Variants in ANKMY2 observed in about 807,000 individuals in gnomAD.
The protein encoded by ANKMY2 is ankyrin repeat and MYND domain containing 2, also known as ankyrin repeat and MYND domain-containing protein 2.
ANKMY2 carries 36 observed loss-of-function variants against 50.4 expected under a neutral mutation model. The ratio of observed to expected loss-of-function variants is 0.71; its 90% CI spans 0.55 to 0.94. The LOEUF (loss-of-function observed/expected upper bound fraction) is 0.94, where lower values mean the gene tolerates loss of function less well. ANKMY2 is among the 40% of genes least tolerant of loss of function. The pLI is 0.00. For synonymous variants in ANKMY2, 187 were observed against 178.8 expected (o/e 1.05, Z -0.36); for missense variants, 565 against 524.0 (o/e 1.08, Z -0.76).
chr7:16,634,325 C>T (rs1238578480), intron 2 of ANKMY2, among the ~76,000 whole-genome samples: 1 of 152,088 alleles, frequency 6.6e-6, no homozygotes, highest in Non-Finnish European at 1.5e-5. Context: ...CACATGATCC[C>T]TGAGAAAGGG....
At chr7:16,614,993 C>A (rs972589301) in intron 5 of ANKMY2, among the ~76,000 whole-genome samples, 11 of 152,074 alleles carry the variant, frequency 7.2e-5, no homozygotes, top group African/African-American at 2.7e-4. Flanking sequence ...ACAACAACAG[C>A]AAAAGCCTGT....
At chr7:16,618,788 A>G (rs1443443488) in intron 4 of ANKMY2, among the ~76,000 whole-genome samples, 1 of 152,240 alleles carries the variant, frequency 6.6e-6, no homozygotes, top group Non-Finnish European at 1.5e-5. Flanking sequence ...ACAGTTATCA[A>G]AATCAACCCA....
chr7:16,645,406 G>T, intron 1 of ANKMY2, 101 bp downstream of exon 1: 3 of 1,211,684 alleles, frequency 2.5e-6, no homozygotes, highest in Admixed American at 3.0e-5. Flanking sequence ...AAACCTTGCA[G>T]AACCGCAGCC....
intron 4 of ANKMY2, among the ~76,000 whole-genome samples, chr7:16,624,640 G>C (rs1011723504): frequency 2.0e-5 from 3 of 152,118 alleles, no homozygotes; most frequent in African/African-American, 7.2e-5. Context: ...GCTATCACGT[G>C]GCACAGCCAA....
Position 16,600,926 on chromosome 7 carries a change from A to T in ANKMY2, c.1161T>A (p.Asn387Lys), listed in dbSNP as rs1224545483. ...GTTGCTCTTCATTAACACAGTTAGA[A>T]TTGACATCAAGTTTGCCGTCTGATT... The part of the protein sequence containing the change: ...QEENHGKLDV[N>K]SNCVNEEQPE... Residue 387 changes from asparagine to lysine, a missense_variant, in exon 10 of 10, where the codon AAT becomes AAA. Coordinates refer to ENST00000306999, the MANE Select transcript of ANKMY2 (RefSeq NM_020319.3). 2 of 1,596,236 alleles carry T rather than the reference A, an allele frequency of 1.3e-6. No individual in the cohort carries two copies. Among genetic ancestry groups the T allele is most frequent in the Admixed American group, 3.6e-5 (2 of 56,314 alleles).
intron 1 of ANKMY2, among the ~76,000 whole-genome samples, chr7:16,642,020 G>T (rs901695337): frequency 3.4e-5 from 5 of 148,332 alleles, no homozygotes; most frequent in Non-Finnish European, 5.9e-5. Flanking sequence ...TGATTAAAAA[G>T]TGTGTACTAC....
chr7:16,615,329 A>T (rs932720079), intron 5 of ANKMY2, among the ~76,000 whole-genome samples: 46 of 152,282 alleles, frequency 3.0e-4, no homozygotes, highest in African/African-American at 1.1e-3. Flanking sequence ...TCTCCAGAGG[A>T]CTACCCTCAT....
Position 16,602,352 on chromosome 7 carries a change from A to G in ANKMY2, c.1141+28T>C, listed in dbSNP as rs1781081103. 4 of 1,604,814 alleles carry G rather than the reference A, an allele frequency of 2.5e-6. No homozygotes were observed. In the Admixed American group the frequency reaches 6.8e-5, roughly 27 times the overall value. ...ATCATCTCTCTCTCCACTAAAAAGCAGAGTGAACTCGGTTTTTATATACAT... is the reference window on the plus strand; with the variant it reads ...ATCATCTCTCTCTCCACTAAAAAGCGGAGTGAACTCGGTTTTTATATACAT... On this transcript the variant is annotated intron_variant, in intron 9 of 9. Transcript: ENST00000306999.
intron 1 of ANKMY2, among the ~76,000 whole-genome samples, 180 bp from the exon 2 acceptor site, chr7:16,636,635 G>C (rs1781666422): frequency 6.6e-6 from 1 of 152,022 alleles, no homozygotes; most frequent in African/African-American, 2.4e-5. Flanking sequence ...TTGTCCAGTA[G>C]AATAGATTTA....
intron 7 of ANKMY2, among the ~76,000 whole-genome samples, chr7:16,607,291 T>C (rs1781176155): frequency 6.6e-6 from 1 of 152,144 alleles, no homozygotes. Context: ...CTAGGCCGGG[T>C]ACGGTGGCTC....
At chr7:16,636,847 GCAGT>G (rs757407535) in intron 1 of ANKMY2, among the ~76,000 whole-genome samples, 1 of 152,172 alleles carries the variant, frequency 6.6e-6, no homozygotes, top group Non-Finnish European at 1.5e-5. Flanking sequence ...AATTCAAAAT[GCAGT>G]CAGTATTTAT....
chr7:16,645,720 T>C lies in ANKMY2; in HGVS notation c.-147A>G. 1.2e-6 allele frequency: 1 copy of C among 859,816 alleles called. No homozygotes were observed. Among genetic ancestry groups the C allele is most frequent in the Non-Finnish European group, 1.7e-6 (1 of 598,286 alleles). The allele number at this position is 859,816 out of a possible 1,614,324, so 53.3% of individuals were successfully genotyped here. ...CCGCGGAAACGCTTCGCTTCTCTCC[T>C]CCCTCCCGCGGGCTGGCGGACAGCG... On this transcript the variant is annotated 5_prime_UTR_variant, in exon 1 of 10. Transcript: ENST00000306999.
At chr7:16,613,329 T>C (rs1781287447) in intron 5 of ANKMY2, among the ~76,000 whole-genome samples, 1 of 152,112 alleles carries the variant, frequency 6.6e-6, no homozygotes, top group East Asian at 1.9e-4. Flanking sequence ...CATTACACAG[T>C]GGTTATTAGT....
intron 4 of ANKMY2, among the ~76,000 whole-genome samples, chr7:16,618,445 G>C (rs1027754832): frequency 2.6e-4 from 40 of 152,252 alleles, no homozygotes; most frequent in African/African-American, 8.9e-4. Flanking sequence ...AAAAGGAATA[G>C]ATGGAGAATT....
chr7:16,603,726 A>G (rs1781111148), intron 8 of ANKMY2: 1 of 470,852 alleles, frequency 2.1e-6, no homozygotes, highest in South Asian at 1.5e-5. Flanking sequence ...AGCATGAAAC[A>G]ACATGGCAAT....
chr7:16,608,863 T>A (rs1781201466), intron 7 of ANKMY2, among the ~76,000 whole-genome samples: 1 of 152,012 alleles, frequency 6.6e-6, no homozygotes. Context: ...TAGCTGGGCG[T>A]GGTGGCGCGC....
intron 4 of ANKMY2, among the ~76,000 whole-genome samples, chr7:16,618,866 C>G (rs1229388896): frequency 6.6e-6 from 1 of 150,380 alleles, no homozygotes; most frequent in Non-Finnish European, 1.5e-5. Flanking sequence ...ACCGCACATG[C>G]TTCCTTAAAA....
chr7:16,645,479 C>G lies in ANKMY2; in HGVS notation c.67+28G>C, dbSNP rs1470493635. The G allele has an allele frequency of 3.8e-6, 6 of 1,588,948 alleles. No individual in the cohort carries two copies. In the South Asian group the frequency reaches 6.8e-5, roughly 18 times the overall value. On this transcript the variant is annotated intron_variant, in intron 1 of 9. Coordinates refer to ENST00000306999, the MANE Select transcript of ANKMY2 (RefSeq NM_020319.3). ...CCACGCCCCCCGGCCAGGCTGGCCG[C>G]GGCCGCGTCGCAGCCCAGCACCCGT... is the stretch of plus-strand genomic sequence containing the variant.
chr7:16,616,611 A>T (rs2128343318), intron 4 of ANKMY2, among the ~76,000 whole-genome samples: 1 of 152,176 alleles, frequency 6.6e-6, no homozygotes, highest in Middle Eastern at 3.4e-3. Context: ...ACCTCTCTGG[A>T]GCAAAGCAGT....
Sources: allele counts gnomAD v4.1 joint callset (sites outside exome capture counted in the v4.1 genomes callset), GRCh38; gene constraint gnomAD v4.1.1; transcripts MANE v1.5; gene names NCBI Gene and HGNC (gene_info 2026-07-23, HGNC 2026-07-21).